Variants in NOVA1 observed in about 807,000 individuals in gnomAD.
NOVA1 encodes the protein RNA-binding protein Nova-1.
In NOVA1, 7 loss-of-function variants were observed where a neutral mutation model predicts 38.0. The observed-to-expected ratio is 0.18, with a 90% confidence interval of 0.10 to 0.35. The LOEUF is 0.35. Ranked by LOEUF, NOVA1 falls within the 10% of genes least tolerant of loss-of-function variation. The pLI is 1.00. For synonymous variants in NOVA1, 270 were observed against 232.5 expected, an observed-to-expected ratio of 1.16 and a Z score of -1.47; for missense variants, 460 against 616.0, an observed-to-expected ratio of 0.75 and a Z score of 2.68.
At chr14:26,514,789 T>C (rs1888340250) in intron 2 of NOVA1, among the ~76,000 whole-genome samples, 1 of 149,978 alleles carries the variant, frequency 6.7e-6, no homozygotes, top group Non-Finnish European at 1.5e-5. Context: ...TGTATTCCTT[T>C]AATTAAAAAT....
At chr14:26,568,707 T>G (rs1892286609) in intron 2 of NOVA1, among the ~76,000 whole-genome samples, 1 of 152,168 alleles carries the variant, frequency 6.6e-6, no homozygotes, top group African/African-American at 2.4e-5. Flanking sequence ...CCTTGAAGTC[T>G]TTTGATAAAC....
chr14:26,533,922 T>C (rs1889896598), intron 2 of NOVA1, among the ~76,000 whole-genome samples: 4 of 152,148 alleles, frequency 2.6e-5, no homozygotes, highest in Admixed American at 2.6e-4. Context: ...GCCTATCAAA[T>C]AAATATATTC....
intron 1 of NOVA1, chr14:26,596,546 C>T (rs546527774): frequency 2.1e-4 from 271 of 1,289,084 alleles, no homozygotes; most frequent in Non-Finnish European, 2.6e-4. Flanking sequence ...CATCCGTCTA[C>T]AATGCATATG....
At chr14:26,551,203 C>T (rs1891140415) in intron 2 of NOVA1, among the ~76,000 whole-genome samples, 2 of 151,954 alleles carry the variant, frequency 1.3e-5, no homozygotes, top group South Asian at 4.1e-4. Context: ...CCCAACTGAA[C>T]AAGCAGAATT....
chr14:26,570,115 A>C (rs1892380013), intron 2 of NOVA1, among the ~76,000 whole-genome samples: 1 of 152,110 alleles, frequency 6.6e-6, no homozygotes, highest in Non-Finnish European at 1.5e-5. Flanking sequence ...GGGAAGCAGA[A>C]GCAGGCAGAT....
At chr14:26,514,231 A>G (rs1275032291) in intron 2 of NOVA1, among the ~76,000 whole-genome samples, 1 of 151,748 alleles carries the variant, frequency 6.6e-6, no homozygotes, top group Non-Finnish European at 1.5e-5. Context: ...TTTGACTCTC[A>G]CATTATCTTT....
intron 2 of NOVA1, among the ~76,000 whole-genome samples, chr14:26,543,681 T>C (rs1029232260): frequency 3.3e-5 from 5 of 151,918 alleles, no homozygotes; most frequent in African/African-American, 1.2e-4. Flanking sequence ...TGGATGGACA[T>C]TCATAGAAAA....
intron 2 of NOVA1, among the ~76,000 whole-genome samples, chr14:26,549,191 A>G (rs1042393314): frequency 1.3e-5 from 2 of 151,982 alleles, no homozygotes; most frequent in Non-Finnish European, 2.9e-5. Flanking sequence ...AAAGAAGTCA[A>G]AATTGGTGTT....
Position 26,569,362 on chromosome 14 carries a change from C to A in NOVA1, c.280+26048G>T, listed in dbSNP as rs1385145051. On this transcript the variant is annotated intron_variant, in intron 2 of 4. Transcript: ENST00000539517. ...AATGTATTTTAATTCATTTATTTCC[C>A]ATTTTCCTCCTCAAAACACAAACAT... 2.0e-5 allele frequency among the ~76,000 whole-genome samples: 3 copies of A among 152,052 alleles called. No homozygotes were observed. The East Asian group carries it at 5.8e-4, about 29-fold the overall frequency.
chr14:26,522,569 G>A (rs1365620773), intron 2 of NOVA1, among the ~76,000 whole-genome samples: 1 of 152,032 alleles, frequency 6.6e-6, no homozygotes, highest in Non-Finnish European at 1.5e-5. Flanking sequence ...TGATAAATGT[G>A]GGTTAGAGTC....
intron 2 of NOVA1, among the ~76,000 whole-genome samples, chr14:26,553,778 C>T (rs1891307228): frequency 6.6e-6 from 1 of 152,056 alleles, no homozygotes; most frequent in Non-Finnish European, 1.5e-5. Flanking sequence ...ACTCCAAAAA[C>T]AACCCCCATG....
intron 2 of NOVA1, among the ~76,000 whole-genome samples, chr14:26,544,751 A>G (rs1890685971): frequency 6.6e-6 from 1 of 152,060 alleles, no homozygotes; most frequent in Non-Finnish European, 1.5e-5. Flanking sequence ...AGAAGCAAGA[A>G]TAGAGTAGAG....
At chr14:26,545,821 A>G (rs1890755166) in intron 2 of NOVA1, among the ~76,000 whole-genome samples, 1 of 152,134 alleles carries the variant, frequency 6.6e-6, no homozygotes, top group East Asian at 1.9e-4. Context: ...GATTATATAC[A>G]CATATATACA....
At chr14:26,547,304 C>G (rs912668493) in intron 2 of NOVA1, among the ~76,000 whole-genome samples, 7 of 152,020 alleles carry the variant, frequency 4.6e-5, no homozygotes, top group African/African-American at 1.7e-4. Flanking sequence ...AAATGGTGAT[C>G]ATCTCTAAAT....
intron 2 of NOVA1, among the ~76,000 whole-genome samples, chr14:26,571,816 A>T (rs1419060823): frequency 6.6e-6 from 1 of 152,230 alleles, no homozygotes; most frequent in East Asian, 1.9e-4. Context: ...TTACAAGCCT[A>T]GTTAAGTAAA....
chr14:26,502,606 G>GAA (rs35977485), intron 2 of NOVA1, among the ~76,000 whole-genome samples: 3 of 126,560 alleles, frequency 2.4e-5, no homozygotes. Context: ...CATGTTTCCA[G>GAA]AAAAAAAAAA....
Position 26,544,347 on chromosome 14 carries a change from A to G in NOVA1, c.280+51063T>C, listed in dbSNP as rs536640833. ...ACTAGAAGTCTTTGATGAATCCAGAAAAGCAAGAGAAGAATCCATTAAGAC... is the reference window on the plus strand; with the variant it reads ...ACTAGAAGTCTTTGATGAATCCAGAGAAGCAAGAGAAGAATCCATTAAGAC... On this transcript the variant is annotated intron_variant, in intron 2 of 4. Transcript: ENST00000539517. Among the ~76,000 whole-genome samples the G allele has an allele frequency of 9.2e-5, 14 of 152,034 alleles. No homozygotes were observed. In the East Asian group the frequency reaches 1.7e-3, roughly 19 times the overall value.
intron 3 of NOVA1, among the ~76,000 whole-genome samples, chr14:26,476,773 A>T (rs1885021239): frequency 6.9e-6 from 1 of 145,612 alleles, no homozygotes; most frequent in Non-Finnish European, 1.5e-5. Context: ...CTGGAGTACA[A>T]TGGCGCGATC....
chr14:26,489,017 T>C (rs1274006790), intron 2 of NOVA1, among the ~76,000 whole-genome samples: 1 of 152,058 alleles, frequency 6.6e-6, no homozygotes, highest in Non-Finnish European at 1.5e-5. Context: ...AATGCATAGC[T>C]AATCAGAGTC....
Sources: allele counts gnomAD v4.1 joint callset (sites outside exome capture counted in the v4.1 genomes callset), GRCh38; gene constraint gnomAD v4.1.1; transcripts MANE v1.5; gene names NCBI Gene and HGNC (gene_info 2026-07-23, HGNC 2026-07-21).